FSTL4: variants seen among roughly 807,000 people sequenced by gnomAD.
The protein encoded by FSTL4 is follistatin like 4, also known as follistatin-related protein 4.
In FSTL4, 28 loss-of-function variants were observed where a neutral mutation model predicts 78.2. The observed-to-expected ratio is 0.36, with a 90% CI of 0.27 to 0.49. The LOEUF is 0.49. Ranked by LOEUF, FSTL4 falls within the 20% of genes least tolerant of loss-of-function variation. The probability of loss-of-function intolerance (pLI) is 0.98; values close to 1 mark genes in which losing one functional copy is unlikely to be tolerated. For synonymous variants in FSTL4, 422 were observed against 440.5 expected, an observed-to-expected ratio of 0.96 and a Z score of 0.53; for missense variants, 922 against 1,084.9, an observed-to-expected ratio of 0.85 and a Z score of 2.11.
chr5:133,528,039 A>C (rs1472609297), intron 3 of FSTL4, among the ~76,000 whole-genome samples: 1 of 152,174 alleles, frequency 6.6e-6, no homozygotes, highest in African/African-American at 2.4e-5. Context: ...CCACAGAATA[A>C]CCTTGATAAG....
chr5:133,703,922 G>A, the FSTL4 span, among the ~76,000 whole-genome samples: 1 of 152,150 alleles, frequency 6.6e-6, no homozygotes, highest in Non-Finnish European at 1.5e-5. Flanking sequence ...TTTTCATTTC[G>A]CTCAGGCCCC....
the FSTL4 span, among the ~76,000 whole-genome samples, chr5:133,669,353 A>G: frequency 1.3e-5 from 2 of 152,172 alleles, no homozygotes; most frequent in Non-Finnish European, 2.9e-5. Context: ...GCCACCCTGC[A>G]CCCCGGGGGC....
intron 3 of FSTL4, among the ~76,000 whole-genome samples, chr5:133,561,682 C>T (rs1258309802): frequency 6.6e-6 from 1 of 152,184 alleles, no homozygotes; most frequent in African/African-American, 2.4e-5. Context: ...TTTCAGGCTT[C>T]AGCCAGCACA....
chr5:133,211,496 C>A (rs1388335285), intron 13 of FSTL4, among the ~76,000 whole-genome samples: 1 of 152,190 alleles, frequency 6.6e-6, no homozygotes, highest in Non-Finnish European at 1.5e-5. Flanking sequence ...ATTTCACCCA[C>A]TCATATTCTA....
At chr5:133,720,392 G>A in the FSTL4 span, 1 of 152,306 alleles carries the variant, frequency 6.6e-6, no homozygotes, top group Non-Finnish European at 1.5e-5. Context: ...AAATGATAGG[G>A]CTAACAACAA....
rs150578891 is a variant in FSTL4 at position 133,574,799 on chromosome 5, C to T, written c.127-7580G>A. The T allele has an allele frequency of 2.2e-4, 33 of 152,238 alleles. No individual in the cohort carries two copies. The East Asian group carries it at 5.8e-3, about 27-fold the overall frequency. 9.4% of individuals were successfully genotyped at this position (152,238 alleles called of 1,614,324 possible). ...ATGTAGCTGAATCTCATTGTCATAG[C>T]GCTGAGGGAAAGAAAGCAGAAACAA... On this transcript the variant is annotated intron_variant, in intron 2 of 15. Coordinates refer to ENST00000265342, the MANE Select transcript of FSTL4 (RefSeq NM_015082.2).
chr5:133,464,298 T>C (rs1360036490), intron 3 of FSTL4, among the ~76,000 whole-genome samples: 1 of 152,230 alleles, frequency 6.6e-6, no homozygotes, highest in Non-Finnish European at 1.5e-5. Flanking sequence ...ACTTGAAGGC[T>C]GCTACATTTT....
At chr5:133,228,811 A>T (rs1489484374) in intron 8 of FSTL4, among the ~76,000 whole-genome samples, 1 of 152,236 alleles carries the variant, frequency 6.6e-6, no homozygotes, top group Admixed American at 6.5e-5. Flanking sequence ...TCAAATGGTG[A>T]AACATTAATT....
At chr5:133,581,543 C>T (rs1202009738) in intron 2 of FSTL4, among the ~76,000 whole-genome samples, 1 of 152,228 alleles carries the variant, frequency 6.6e-6, no homozygotes, top group African/African-American at 2.4e-5. Flanking sequence ...CCAGGAGGGG[C>T]CTTGTGCCTG....
the FSTL4 span, among the ~76,000 whole-genome samples, chr5:133,640,929 A>C: frequency 1.3e-5 from 2 of 152,242 alleles, no homozygotes; most frequent in African/African-American, 4.8e-5. Context: ...GTTACCTTAC[A>C]CAAATGGATT....
chr5:133,701,508 CA>C, the FSTL4 span, among the ~76,000 whole-genome samples: 71 of 124,018 alleles, frequency 5.7e-4, 1 homozygote, highest in Admixed American at 1.6e-3. Context: ...CACACACACA[CA>C]CCCCACAGGC....
the FSTL4 span, among the ~76,000 whole-genome samples, chr5:133,674,002 G>A: frequency 6.6e-6 from 1 of 152,092 alleles, no homozygotes; most frequent in Non-Finnish European, 1.5e-5. Flanking sequence ...TTAAACTTTT[G>A]TGATGACCCT....
Position 133,196,560 on chromosome 5 carries a change from T to G in FSTL4, c.*2535A>C, listed in dbSNP as rs934132117. Reference sequence around the variant, plus strand: ...CAGTACTTCTTTAATAGCTAAGATATCAGTTGTGAATTGACCTTGTGGGTT... The same window carrying G: ...CAGTACTTCTTTAATAGCTAAGATAGCAGTTGTGAATTGACCTTGTGGGTT... On this transcript the variant is annotated 3_prime_UTR_variant, in exon 16 of 16. Coordinates refer to ENST00000265342, the MANE Select transcript of FSTL4 (RefSeq NM_015082.2). The G allele has an allele frequency of 3.9e-5, 6 of 152,214 alleles. No homozygotes were observed. Among genetic ancestry groups the G allele is most frequent in the Non-Finnish European group, 7.3e-5 (5 of 68,038 alleles). 9.4% of individuals were successfully genotyped at this position (152,214 alleles called of 1,614,324 possible).
chr5:133,823,921 T>C, the FSTL4 span, among the ~76,000 whole-genome samples: 2 of 152,186 alleles, frequency 1.3e-5, no homozygotes, highest in Admixed American at 6.5e-5. Context: ...CCTTCTAAGG[T>C]TTAATTTTTT....
chr5:133,476,780 T>C (rs1394215420), intron 3 of FSTL4, among the ~76,000 whole-genome samples: 1 of 152,150 alleles, frequency 6.6e-6, no homozygotes, highest in Non-Finnish European at 1.5e-5. Context: ...GCTTGTCCTT[T>C]CTCTGTAGAG....
intron 6 of FSTL4, among the ~76,000 whole-genome samples, chr5:133,267,104 G>C (rs17166474): frequency 6.6e-6 from 1 of 152,170 alleles, no homozygotes; most frequent in Admixed American, 6.5e-5. Flanking sequence ...CACTTTTCCC[G>C]GGAGGAGGAA....
chr5:133,470,463 G>A (rs115216914), intron 3 of FSTL4, among the ~76,000 whole-genome samples: 341 of 152,326 alleles, frequency 2.2e-3, no homozygotes, highest in African/African-American at 7.6e-3. Flanking sequence ...ATGAGTCTTA[G>A]GCTGGGCGCA....
chr5:133,692,200 A>G, the FSTL4 span, among the ~76,000 whole-genome samples: 2 of 152,140 alleles, frequency 1.3e-5, no homozygotes, highest in Non-Finnish European at 2.9e-5. Flanking sequence ...AGGAAGTGTT[A>G]TGGGGAGAGT....
the FSTL4 span, among the ~76,000 whole-genome samples, chr5:133,676,916 C>T: frequency 6.6e-6 from 1 of 152,132 alleles, no homozygotes; most frequent in Non-Finnish European, 1.5e-5. Context: ...ACTTTTCCAC[C>T]ACGAGGGTTT....
Sources: allele counts gnomAD v4.1 joint callset (sites outside exome capture counted in the v4.1 genomes callset), GRCh38; gene constraint gnomAD v4.1.1; transcripts MANE v1.5; gene names NCBI Gene and HGNC (gene_info 2026-07-23, HGNC 2026-07-21).